The following STK39 variants were observed in gnomAD, a reference collection of about 807,000 sequenced individuals.
STK39 encodes serine/threonine kinase 39, also known as STE20/SPS1-related proline-alanine-rich protein kinase.
In STK39, 20 loss-of-function variants were observed where a neutral mutation model predicts 77.8. That is an observed-to-expected ratio of 0.26 (90% CI 0.18 to 0.37). STK39 has a LOEUF of 0.37. Ranked by LOEUF, STK39 falls within the 10% of genes least tolerant of loss-of-function variation. STK39 has a pLI of 1.00. For synonymous variants in STK39, 246 were observed against 234.1 expected (o/e 1.05, Z -0.47); for missense variants, 479 against 656.5 (o/e 0.73, Z 2.95).
chr2:168,019,249 T>C (rs1457942581), intron 14 of STK39, among the ~76,000 whole-genome samples: 1 of 152,252 alleles, frequency 6.6e-6, no homozygotes, highest in Non-Finnish European at 1.5e-5. Flanking sequence ...TCACATTTCA[T>C]GGTTTCGGTT....
At chr2:168,208,166 A>G (rs1689790453) in intron 1 of STK39, among the ~76,000 whole-genome samples, 1 of 152,214 alleles carries the variant, frequency 6.6e-6, no homozygotes, top group Non-Finnish European at 1.5e-5. Flanking sequence ...TAATATGTAT[A>G]AGAAGATATA....
intron 10 of STK39, among the ~76,000 whole-genome samples, chr2:168,084,084 G>A (rs1241115467): frequency 6.6e-6 from 1 of 152,036 alleles, no homozygotes; most frequent in Non-Finnish European, 1.5e-5. Flanking sequence ...AATGTCTTTG[G>A]GACAAATTTG....
At chr2:167,990,361 T>C (rs1252476306) in intron 16 of STK39, among the ~76,000 whole-genome samples, 4 of 152,346 alleles carry the variant, frequency 2.6e-5, no homozygotes, top group South Asian at 2.1e-4. Flanking sequence ...AAAGAGTCAA[T>C]CTGCCATAGG....
intron 17 of STK39, among the ~76,000 whole-genome samples, chr2:167,959,101 GATTTATTT>G (rs71003016): frequency 8.0e-5 from 12 of 149,270 alleles, no homozygotes; most frequent in African/African-American, 1.2e-4. Flanking sequence ...AATATTGTCA[GATTTATTT>G]ATTTATTTAT....
At chr2:168,089,528 T>A (rs1022105722) in intron 10 of STK39, among the ~76,000 whole-genome samples, 1 of 152,240 alleles carries the variant, frequency 6.6e-6, no homozygotes, top group Non-Finnish European at 1.5e-5. Flanking sequence ...AACCTCAACA[T>A]GACAATATGG....
chr2:168,127,594 A>C (rs908033241), intron 10 of STK39, among the ~76,000 whole-genome samples: 27 of 152,174 alleles, frequency 1.8e-4, no homozygotes, highest in Non-Finnish European at 3.5e-4. Context: ...AGAATATAAG[A>C]CTGGAAGTTG....
intron 16 of STK39, among the ~76,000 whole-genome samples, chr2:168,007,342 G>T (rs554859446): frequency 1.3e-5 from 2 of 152,018 alleles, no homozygotes; most frequent in Non-Finnish European, 2.9e-5. Flanking sequence ...TAAATGTTAC[G>T]ATATATCTAT....
chr2:168,052,007 T>TA (rs1283088590), intron 14 of STK39, among the ~76,000 whole-genome samples: 2 of 151,592 alleles, frequency 1.3e-5, no homozygotes, highest in Non-Finnish European at 2.9e-5. Flanking sequence ...TTTTTTTTTT[T>TA]AACTAGGAAA....
intron 16 of STK39, among the ~76,000 whole-genome samples, chr2:167,968,336 CTGTTT>C (rs574709628): frequency 1.6e-3 from 242 of 152,232 alleles, no homozygotes; most frequent in Non-Finnish European, 2.8e-3. Flanking sequence ...AATACTAGTT[CTGTTT>C]TAAGTTATTT....
At chr2:168,232,477 C>T (rs752718237) in intron 1 of STK39, among the ~76,000 whole-genome samples, 6 of 152,108 alleles carry the variant, frequency 3.9e-5, no homozygotes, top group Admixed American at 1.3e-4. Context: ...ATATGATAGA[C>T]GAACAAAACG....
intron 2 of STK39, among the ~76,000 whole-genome samples, chr2:168,180,012 CA>C (rs11295886): frequency 0.34 from 51,653 of 151,640 alleles, 9,107 homozygotes; most frequent in East Asian, 0.54. Context: ...CTGCTAATGG[CA>C]AAAAAAATGG....
intron 10 of STK39, among the ~76,000 whole-genome samples, chr2:168,124,699 CAT>C (rs1289766926): frequency 6.6e-6 from 1 of 151,990 alleles, no homozygotes; most frequent in Non-Finnish European, 1.5e-5. Flanking sequence ...GCGCCCAACC[CAT>C]ATGTTGGTTT....
rs1475938675 is a variant in STK39, at chr2:167,954,133, C to A, written c.*1363G>T. 10 of 152,552 alleles carry A rather than the reference C, an allele frequency of 6.6e-5. No individual in the cohort carries two copies. Among genetic ancestry groups the A allele is most frequent in the African/African-American group, 2.2e-4 (9 of 41,400 alleles). The allele number at this position is 152,552 out of a possible 1,614,324, so 9.4% of individuals were successfully genotyped here. ...TACATTAAATTGTATGCAAATGGCTCTAGAACACCTTAACAATTATGACAA... is the reference window on the plus strand; with the variant it reads ...TACATTAAATTGTATGCAAATGGCTATAGAACACCTTAACAATTATGACAA... On this transcript the variant is annotated 3_prime_UTR_variant, in exon 18 of 18. Transcript: ENST00000355999.
chr2:168,218,626 C>T (rs1480271640), intron 1 of STK39, among the ~76,000 whole-genome samples: 4 of 152,068 alleles, frequency 2.6e-5, no homozygotes, highest in African/African-American at 7.2e-5. Flanking sequence ...GAGACAAAAT[C>T]GAAACAGTGT....
intron 10 of STK39, among the ~76,000 whole-genome samples, chr2:168,123,007 G>A (rs375673314): frequency 5.9e-5 from 9 of 152,276 alleles, no homozygotes; most frequent in African/African-American, 1.7e-4. Context: ...CAAAGTGAAC[G>A]TTGCCAGTAA....
chr2:168,127,892 T>C (rs1687586274), intron 10 of STK39, among the ~76,000 whole-genome samples: 1 of 151,966 alleles, frequency 6.6e-6, no homozygotes, highest in Admixed American at 6.6e-5. Context: ...ATAGGGAAGA[T>C]GTGGAGAGTG....
At chr2:168,243,370 A>C (rs1042980453) in intron 1 of STK39, among the ~76,000 whole-genome samples, 4 of 152,186 alleles carry the variant, frequency 2.6e-5, no homozygotes, top group Admixed American at 2.6e-4. Context: ...TGGATAAACA[A>C]TGCCTCACAG....
At chr2:168,146,878 C>T (rs898590367) in intron 5 of STK39, among the ~76,000 whole-genome samples, 8 of 151,938 alleles carry the variant, frequency 5.3e-5, no homozygotes, top group African/African-American at 1.2e-4. Context: ...TAAGAAAATA[C>T]GATGATTTAG....
intron 10 of STK39, among the ~76,000 whole-genome samples, chr2:168,093,019 T>C (rs1686566073): frequency 6.6e-6 from 1 of 152,214 alleles, no homozygotes; most frequent in Admixed American, 6.5e-5. Flanking sequence ...CAGACATGCA[T>C]ATTGGTCTCC....
Sources: allele counts gnomAD v4.1 joint callset (sites outside exome capture counted in the v4.1 genomes callset), GRCh38; gene constraint gnomAD v4.1.1; transcripts MANE v1.5; gene names NCBI Gene and HGNC (gene_info 2026-07-23, HGNC 2026-07-21).